Variants in RORA observed in about 807,000 individuals in gnomAD.
RORA encodes the protein nuclear receptor ROR-alpha.
RORA carries 7 observed loss-of-function variants against 69.5 expected under a neutral mutation model. That is an observed-to-expected ratio of 0.10 (90% confidence interval 0.06 to 0.19). The LOEUF (loss-of-function observed/expected upper bound fraction) is 0.19. Among genes scored for constraint, RORA ranks in the 10% least tolerant of loss-of-function variants. The pLI, the probability that RORA is intolerant of heterozygous loss-of-function variation, is 1.00. For synonymous variants in RORA, 261 were observed against 240.8 expected (o/e 1.08, Z -0.78); for missense variants, 457 against 663.0 (o/e 0.69, Z 3.41).
At chr15:61,165,741 T>G (rs1022029123) in intron 1 of RORA, among the ~76,000 whole-genome samples, 3 of 152,152 alleles carry the variant, frequency 2.0e-5, no homozygotes, top group Non-Finnish European at 2.9e-5. Context: ...ACTTTAAACA[T>G]GAAAGCTGAA....
intron 1 of RORA, among the ~76,000 whole-genome samples, chr15:61,066,442 T>TTC (rs2078260469): frequency 6.9e-6 from 1 of 145,912 alleles, no homozygotes; most frequent in Non-Finnish European, 1.5e-5. Context: ...TTTTTTTTTT[T>TTC]TGAGATGGAG....
chr15:60,608,026 C>T (rs895589831), intron 2 of RORA, among the ~76,000 whole-genome samples: 5 of 152,200 alleles, frequency 3.3e-5, no homozygotes, highest in East Asian at 3.8e-4. Context: ...AGCTGCAAAA[C>T]GTCCGTGAAA....
intron 1 of RORA, among the ~76,000 whole-genome samples, chr15:61,188,912 C>A (rs1464663466): frequency 6.6e-6 from 1 of 152,184 alleles, no homozygotes; most frequent in African/African-American, 2.4e-5. Flanking sequence ...GCCTTACCCC[C>A]ACTTTCAATA....
chr15:61,193,309 C>T (rs1005556496), intron 1 of RORA, among the ~76,000 whole-genome samples: 7 of 152,218 alleles, frequency 4.6e-5, no homozygotes, highest in Non-Finnish European at 7.3e-5. Context: ...AGACCCAGTC[C>T]TACCACTGGG....
At chr15:60,900,545 T>C (rs1361697816) in intron 1 of RORA, among the ~76,000 whole-genome samples, 2 of 152,126 alleles carry the variant, frequency 1.3e-5, no homozygotes, top group Non-Finnish European at 2.9e-5. Flanking sequence ...GGGGCATATA[T>C]CTTATTTCCA....
chr15:60,638,621 C>T (rs2069883152), intron 2 of RORA, among the ~76,000 whole-genome samples: 1 of 152,064 alleles, frequency 6.6e-6, no homozygotes, highest in Non-Finnish European at 1.5e-5. Context: ...AAGTGCTTTT[C>T]CTCCGAATAA....
intron 1 of RORA, among the ~76,000 whole-genome samples, chr15:60,751,339 G>GTGGGAATAAGAAGTGGGACTAT: frequency 6.6e-6 from 1 of 152,296 alleles, no homozygotes; most frequent in South Asian, 2.1e-4. Context: ...AGTGGGACTA[G>GTGGGAATAAGAAGTGGGACTAT]CAGGAAACGG....
Position 60,494,597 on chromosome 15 carries a change from A to C in RORA, c.*2858T>G, listed in dbSNP as rs764087623. On this transcript the variant is annotated 3_prime_UTR_variant, in exon 11 of 11. Transcript: ENST00000335670. ...TCCATATTTTTTTTAAACTGAATTT[A>C]TTGTTTAACATCAGATCCCAACTTA... 21 of 152,120 alleles carry C rather than the reference A, an allele frequency of 1.4e-4. No individual in the cohort carries two copies. Among genetic ancestry groups the C allele is most frequent in the Non-Finnish European group, 2.9e-4 (20 of 68,030 alleles). 9.4% of individuals were successfully genotyped at this position (152,120 alleles called of 1,614,324 possible). A position where few individuals can be genotyped will look rare whatever the true frequency, so the allele number is the denominator to read the frequency against.
At chr15:60,586,356 G>A (rs140628988) in intron 2 of RORA, among the ~76,000 whole-genome samples, 87 of 152,306 alleles carry the variant, frequency 5.7e-4, no homozygotes, top group African/African-American at 2.0e-3. Flanking sequence ...GCAAACTGAA[G>A]TGTGTTTGAG....
intron 2 of RORA, among the ~76,000 whole-genome samples, chr15:60,676,893 T>A (rs1302447213): frequency 6.6e-6 from 1 of 152,250 alleles, no homozygotes; most frequent in Non-Finnish European, 1.5e-5. Flanking sequence ...GGACTGTCTG[T>A]ATACTAGGTA....
At chr15:60,698,279 T>G (rs1481191448) in intron 1 of RORA, among the ~76,000 whole-genome samples, 1 of 152,202 alleles carries the variant, frequency 6.6e-6, no homozygotes. Flanking sequence ...CACTAAAAGC[T>G]GGCTTGCTTT....
intron 1 of RORA, among the ~76,000 whole-genome samples, chr15:61,051,115 C>T (rs778442963): frequency 3.3e-5 from 5 of 152,102 alleles, no homozygotes; most frequent in Non-Finnish European, 4.4e-5. Context: ...GGGAGGGTAT[C>T]GTGGGCTGGA....
At chr15:61,170,837 G>A (rs1367793394) in intron 1 of RORA, among the ~76,000 whole-genome samples, 1 of 152,162 alleles carries the variant, frequency 6.6e-6, no homozygotes, top group East Asian at 1.9e-4. Context: ...CGTAATTGGG[G>A]CTGGATAGTG....
At chr15:60,701,825 T>C (rs2070986415) in intron 1 of RORA, among the ~76,000 whole-genome samples, 1 of 152,188 alleles carries the variant, frequency 6.6e-6, no homozygotes, top group South Asian at 2.1e-4. Context: ...GGCAGTGTTT[T>C]AAAAGGGCTG....
At chr15:60,599,785 G>C (rs1031928970) in intron 2 of RORA, among the ~76,000 whole-genome samples, 1 of 152,196 alleles carries the variant, frequency 6.6e-6, no homozygotes. Flanking sequence ...AAAATAATTG[G>C]AGGTAGAAGA....
At chr15:60,969,412 G>A (rs970667527) in intron 1 of RORA, among the ~76,000 whole-genome samples, 2 of 152,056 alleles carry the variant, frequency 1.3e-5, no homozygotes, top group East Asian at 1.9e-4. Context: ...TGACTTCTGG[G>A]TTTTTAAAAG....
intron 1 of RORA, among the ~76,000 whole-genome samples, chr15:61,146,959 A>G (rs1252436632): frequency 6.6e-6 from 1 of 151,886 alleles, no homozygotes; most frequent in Non-Finnish European, 1.5e-5. Flanking sequence ...ACGGGACAGA[A>G]ACAGAAGGTT....
At chr15:60,811,532 C>T (rs941133590) in intron 1 of RORA, among the ~76,000 whole-genome samples, 6 of 152,216 alleles carry the variant, frequency 3.9e-5, no homozygotes, top group Non-Finnish European at 8.8e-5. Context: ...TAGAATTACA[C>T]ATGTGTATTT....
intron 1 of RORA, among the ~76,000 whole-genome samples, chr15:60,794,236 C>A (rs1389813836): frequency 2.0e-5 from 3 of 152,134 alleles, no homozygotes; most frequent in Non-Finnish European, 4.4e-5. Context: ...TCTCAAAGCC[C>A]AACACTATTG....
Sources: allele counts gnomAD v4.1 joint callset (sites outside exome capture counted in the v4.1 genomes callset), GRCh38; gene constraint gnomAD v4.1.1; transcripts MANE v1.5; gene names NCBI Gene and HGNC (gene_info 2026-07-23, HGNC 2026-07-21).